The following SAMD5 variants were observed in gnomAD, a reference collection of about 807,000 sequenced individuals.
The protein encoded by SAMD5 is sterile alpha motif domain containing 5, also known as sterile alpha motif domain-containing protein 5.
A neutral mutation model predicts 11.3 loss-of-function variants in SAMD5; 13 were observed. The observed-to-expected ratio is 1.15, with a 90% CI of 0.75 to 1.83. SAMD5 has a LOEUF of 1.83. Ranked by LOEUF, SAMD5 falls within the 40% of genes most tolerant of loss-of-function variation. SAMD5 has a pLI of 0.00. For synonymous variants in SAMD5, 129 were observed against 111.3 expected (o/e 1.16, Z -1.00); for missense variants, 255 against 239.1 (o/e 1.07, Z -0.44).
intron 1 of SAMD5, among the ~76,000 whole-genome samples, chr6:147,699,598 T>G (rs1336486119): frequency 1.3e-5 from 2 of 152,096 alleles, no homozygotes; most frequent in Non-Finnish European, 2.9e-5. Flanking sequence ...TAACTAAGAG[T>G]CCTGATCTTT....
At chr6:147,739,144 A>G (rs1171347290), downstream of SAMD5, among the ~76,000 whole-genome samples, 2 of 152,230 alleles carry the variant, frequency 1.3e-5, no homozygotes, top group Non-Finnish European at 2.9e-5. Context: ...CCCTTCAGAC[A>G]GAGCAGGGCA....
At chr6:147,610,809 A>G (rs1448280601) in intron 1 of SAMD5, among the ~76,000 whole-genome samples, 1 of 151,902 alleles carries the variant, frequency 6.6e-6, no homozygotes. Context: ...ATGTCCTGGG[A>G]TAGGTGACCA....
chr6:147,833,494 A>C, the SAMD5 span, among the ~76,000 whole-genome samples: 1 of 152,178 alleles, frequency 6.6e-6, no homozygotes. Context: ...GGTATCAAAA[A>C]CCATATTGAT....
At chr6:147,692,805 T>A (rs1446632611) in intron 1 of SAMD5, among the ~76,000 whole-genome samples, 1 of 152,206 alleles carries the variant, frequency 6.6e-6, no homozygotes, top group Non-Finnish European at 1.5e-5. Flanking sequence ...TGTTGACAAA[T>A]AATTGAGATT....
chr6:147,569,080 A>T lies in SAMD5; in HGVS notation c.*4624A>T, dbSNP rs1015871003. The T allele has an allele frequency of 5.5e-6, 1 of 181,530 alleles. No homozygotes were observed. The allele number at this position is 181,530 out of a possible 1,614,324, so 11.2% of individuals were successfully genotyped here. On this transcript the variant is annotated 3_prime_UTR_variant, in exon 2 of 2. Transcript: ENST00000367474. ...TGTGTCTACTAAAAATACAAAAAAA[A>T]TTAGCTGAGTGTGGTGGTGTGCGCC... is the stretch of plus-strand genomic sequence containing the variant.
At chr6:147,640,406 A>G (rs1790292510) in intron 1 of SAMD5, among the ~76,000 whole-genome samples, 1 of 146,172 alleles carries the variant, frequency 6.8e-6, no homozygotes, top group Non-Finnish European at 1.5e-5. Flanking sequence ...CTGAGATAGG[A>G]GAATCACTTG....
chr6:147,567,462 A>G lies in SAMD5; in HGVS notation c.*3006A>G. The G allele has an allele frequency of 1.0e-6, 1 of 982,776 alleles. No individual in the cohort carries two copies. Among genetic ancestry groups the G allele is most frequent in the Non-Finnish European group, 1.2e-6 (1 of 827,500 alleles). The allele number at this position is 982,776 out of a possible 1,614,324, so 60.9% of individuals were successfully genotyped here. On this transcript the variant is annotated 3_prime_UTR_variant, in exon 2 of 2. Coordinates refer to ENST00000367474, the MANE Select transcript of SAMD5 (RefSeq NM_001030060.3). ...GGTGAATCTGTTAAGGATGTAAGCTATAGTGTAGCTTGGGGAATCATCTTG... is the reference window on the plus strand; with the variant it reads ...GGTGAATCTGTTAAGGATGTAAGCTGTAGTGTAGCTTGGGGAATCATCTTG...
At chr6:147,791,743 T>C in the SAMD5 span, among the ~76,000 whole-genome samples, 5 of 152,246 alleles carry the variant, frequency 3.3e-5, no homozygotes, top group Admixed American at 2.0e-4. Flanking sequence ...ATTTTGATCT[T>C]TCCAGATTTC....
the SAMD5 span, among the ~76,000 whole-genome samples, chr6:147,886,989 G>A: frequency 1.3e-5 from 2 of 152,328 alleles, no homozygotes; most frequent in South Asian, 4.1e-4. Context: ...ATTGCAGCTA[G>A]TGGATCTTGA....
intron 1 of SAMD5, among the ~76,000 whole-genome samples, chr6:147,541,942 G>C (rs1380907346): frequency 6.6e-6 from 1 of 151,994 alleles, no homozygotes; most frequent in Non-Finnish European, 1.5e-5. Flanking sequence ...GCTACAAAGA[G>C]ACACCCTGCA....
the SAMD5 span, among the ~76,000 whole-genome samples, chr6:147,837,333 C>T: frequency 6.6e-6 from 1 of 152,300 alleles, no homozygotes; most frequent in Admixed American, 6.5e-5. Context: ...ACGAAAGTCC[C>T]ATTCTCCTTA....
intron 1 of SAMD5, among the ~76,000 whole-genome samples, chr6:147,583,114 A>G (rs1789322407): frequency 6.6e-6 from 1 of 152,250 alleles, no homozygotes; most frequent in Non-Finnish European, 1.5e-5. Flanking sequence ...TATAAAATCC[A>G]TATCTAGTTT....
chr6:147,929,774 TG>T, the SAMD5 span, among the ~76,000 whole-genome samples: 1 of 152,050 alleles, frequency 6.6e-6, no homozygotes. Flanking sequence ...TTGGTAACAT[TG>T]GGGGGGAAAG....
At chr6:147,703,428 A>C (rs1791282951) in intron 1 of SAMD5, among the ~76,000 whole-genome samples, 2 of 152,172 alleles carry the variant, frequency 1.3e-5, no homozygotes, top group Admixed American at 1.3e-4. Flanking sequence ...TCTGCATTTC[A>C]TTTGGTCCCT....
rs702350 is a variant in SAMD5 at position 147,567,358 on chromosome 6, A to C, written c.*2902A>C. ...GTGTTATGCAATAAACAATGACAAC[A>C]ACAAGCATTGAGCTTTCACTTTGGA... On this transcript the variant is annotated 3_prime_UTR_variant, in exon 2 of 2. Coordinates refer to ENST00000367474, the MANE Select transcript of SAMD5 (RefSeq NM_001030060.3). 0.045 allele frequency: 44,547 copies of C among 984,902 alleles called. 2,136 individuals are homozygous for C. Among genetic ancestry groups the C allele is most frequent in the African/African-American group, 0.23 (13,161 of 57,278 alleles). The allele number at this position is 984,902 out of a possible 1,614,324, so 61.0% of individuals were successfully genotyped here.
the SAMD5 span, among the ~76,000 whole-genome samples, chr6:147,777,963 A>G: frequency 6.6e-6 from 1 of 152,160 alleles, no homozygotes; most frequent in African/African-American, 2.4e-5. Flanking sequence ...AATAATGCTG[A>G]TATGGACGTG....
chr6:147,697,719 T>C (rs1158598311), intron 1 of SAMD5, among the ~76,000 whole-genome samples: 2 of 152,178 alleles, frequency 1.3e-5, no homozygotes, highest in African/African-American at 4.8e-5. Flanking sequence ...ACAATCATGA[T>C]GAATGAGAGA....
intron 1 of SAMD5, among the ~76,000 whole-genome samples, chr6:147,612,152 A>C (rs545092405): frequency 2.6e-5 from 4 of 152,306 alleles, no homozygotes; most frequent in Admixed American, 2.6e-4. Flanking sequence ...ATCTTGGGTC[A>C]GTTCCTAACC....
chr6:147,637,014 G>T (rs1490347257), intron 1 of SAMD5, among the ~76,000 whole-genome samples: 1 of 152,162 alleles, frequency 6.6e-6, no homozygotes, highest in Non-Finnish European at 1.5e-5. Context: ...AATGAAGAGG[G>T]AGAAGTGACA....
Sources: allele counts gnomAD v4.1 joint callset (sites outside exome capture counted in the v4.1 genomes callset), GRCh38; gene constraint gnomAD v4.1.1; transcripts MANE v1.5; gene names NCBI Gene and HGNC (gene_info 2026-07-23, HGNC 2026-07-21).